The following TENM3 variants were observed in gnomAD, a reference collection of about 807,000 sequenced individuals.
TENM3 encodes teneurin-3.
A neutral mutation model predicts 255.1 loss-of-function variants in TENM3; 63 were observed. The ratio of observed to expected loss-of-function variants is 0.25; its 90% CI spans 0.20 to 0.30. The LOEUF (loss-of-function observed/expected upper bound fraction) is 0.30, where lower values mean the gene tolerates loss of function less well. Ranked by LOEUF, TENM3 falls within the 10% of genes least tolerant of loss-of-function variation. The probability of loss-of-function intolerance (pLI) is 1.00; values close to 1 mark genes in which losing one functional copy is unlikely to be tolerated. For synonymous variants in TENM3, 1,306 were observed against 1,322.3 expected (o/e 0.99, Z 0.27); for missense variants, 2,929 against 3,461.1 (o/e 0.85, Z 3.86).
At chr4:181,984,470 T>A in the TENM3 span, among the ~76,000 whole-genome samples, 1 of 152,092 alleles carries the variant, frequency 6.6e-6, no homozygotes, top group Non-Finnish European at 1.5e-5. Flanking sequence ...ACTTCCTTTT[T>A]TCCTCTCTAG....
chr4:182,729,224 C>T, intron 14 of TENM3, 43 bp downstream of exon 14: 1 of 1,489,406 alleles, frequency 6.7e-7, no homozygotes. Flanking sequence ...ATGATGTTAT[C>T]AACAGTTACA....
the TENM3 span, among the ~76,000 whole-genome samples, chr4:181,810,557 C>A: frequency 6.6e-6 from 1 of 152,124 alleles, no homozygotes; most frequent in African/African-American, 2.4e-5. Context: ...GTTATTCATA[C>A]AAGACCCTGC....
In TENM3 at chr4:182,588,351, C is replaced by T. The variant is rs749744084; in HGVS notation, c.512-12573C>T. On this transcript the variant is annotated intron_variant, in intron 3 of 27. Coordinates refer to ENST00000511685, the MANE Select transcript of TENM3 (RefSeq NM_001080477.4). Reference sequence around the variant, plus strand: ...CATAGCAAATTCTGCATTGTTTGAACTATGTGATTTGCTTTCCTTACTCTT... The same window carrying T: ...CATAGCAAATTCTGCATTGTTTGAATTATGTGATTTGCTTTCCTTACTCTT... 2.6e-4 allele frequency among the ~76,000 whole-genome samples: 40 copies of T among 152,122 alleles called. 1 individual carries two copies. Among genetic ancestry groups the T allele is most frequent in the Non-Finnish European group, 4.7e-4 (32 of 68,006 alleles).
chr4:182,250,077 G>A (rs1757907051), intron 1 of TENM3, among the ~76,000 whole-genome samples: 1 of 144,388 alleles, frequency 6.9e-6, no homozygotes. Context: ...TTTTGAGACG[G>A]AGTCTTGCTC....
intron 3 of TENM3, among the ~76,000 whole-genome samples, chr4:182,513,249 C>T (rs928130515): frequency 2.6e-5 from 4 of 151,894 alleles, no homozygotes; most frequent in African/African-American, 9.7e-5. Context: ...CATATTCGTA[C>T]GGTGAAAGTT....
intron 5 of TENM3, among the ~76,000 whole-genome samples, chr4:182,630,374 G>A (rs1359225841): frequency 6.6e-6 from 1 of 152,178 alleles, no homozygotes; most frequent in Non-Finnish European, 1.5e-5. Context: ...TTCTCTTCTA[G>A]TTAGCTGTGT....
chr4:181,943,393 G>A, the TENM3 span, among the ~76,000 whole-genome samples: 1 of 152,032 alleles, frequency 6.6e-6, no homozygotes, highest in Admixed American at 6.6e-5. Context: ...GGTTCATTCC[G>A]ATATTTCCAA....
At chr4:181,829,493 A>G in the TENM3 span, among the ~76,000 whole-genome samples, 1 of 152,126 alleles carries the variant, frequency 6.6e-6, no homozygotes, top group African/African-American at 2.4e-5. Context: ...TATGTGTAGA[A>G]ACTCAATGTA....
chr4:181,697,682 G>A, the TENM3 span, among the ~76,000 whole-genome samples: 3 of 151,990 alleles, frequency 2.0e-5, no homozygotes, highest in Non-Finnish European at 4.4e-5. Context: ...GTAAGCCACT[G>A]CGTCCAGCCC....
the TENM3 span, among the ~76,000 whole-genome samples, chr4:181,890,742 T>A: frequency 2.0e-5 from 3 of 152,150 alleles, no homozygotes; most frequent in Admixed American, 2.0e-4. Flanking sequence ...CCCAACCATT[T>A]GTATGGAAAA....
the TENM3 span, among the ~76,000 whole-genome samples, chr4:181,620,015 C>T: frequency 1.3e-5 from 2 of 152,136 alleles, no homozygotes; most frequent in South Asian, 2.1e-4. Flanking sequence ...TTCTCCCTCA[C>T]TTTGGGAGGC....
At chr4:181,971,692 T>C in the TENM3 span, among the ~76,000 whole-genome samples, 5 of 151,944 alleles carry the variant, frequency 3.3e-5, no homozygotes, top group Non-Finnish European at 7.4e-5. Flanking sequence ...TCAGCCTCTC[T>C]AGTACGTAGG....
At chr4:182,415,926 C>T (rs1770326687) in intron 3 of TENM3, among the ~76,000 whole-genome samples, 1 of 150,256 alleles carries the variant, frequency 6.7e-6, no homozygotes, top group Non-Finnish European at 1.5e-5. Flanking sequence ...ATATCATCAT[C>T]CTGAGACACC....
chr4:182,028,562 T>C, the TENM3 span, among the ~76,000 whole-genome samples: 1 of 152,268 alleles, frequency 6.6e-6, no homozygotes, highest in East Asian at 1.9e-4. Flanking sequence ...GTTTTTCTTC[T>C]TTTTTGATGT....
intron 7 of TENM3, among the ~76,000 whole-genome samples, chr4:182,674,608 C>G (rs1755506406): frequency 6.6e-6 from 1 of 152,170 alleles, no homozygotes; most frequent in Admixed American, 6.5e-5. Context: ...CAGGGTCTCA[C>G]TCCGTCTTCC....
At chr4:182,453,298 T>C (rs1773618451) in intron 3 of TENM3, among the ~76,000 whole-genome samples, 2 of 152,190 alleles carry the variant, frequency 1.3e-5, no homozygotes, top group African/African-American at 2.4e-5. Flanking sequence ...ACAGATGTTA[T>C]GTTGGTACGA....
rs1413973169 is a variant in TENM3 at position 182,714,331 on chromosome 4, A to C, written c.2368+98A>C. On this transcript the variant is annotated intron_variant, in intron 13 of 27. Transcript: ENST00000511685. ...ATCTGTTGCCAAAAAAAAAAAAAAAAAAAAAAAACCTGATCCCCATCGATT... is the reference window on the plus strand; with the variant it reads ...ATCTGTTGCCAAAAAAAAAAAAAAACAAAAAAAACCTGATCCCCATCGATT... The C allele has an allele frequency of 5.1e-6, 5 of 989,180 alleles. No individual in the cohort carries two copies. In the South Asian group the frequency reaches 8.2e-5, roughly 16 times the overall value. The allele number at this position is 989,180 out of a possible 1,614,324, so 61.3% of individuals were successfully genotyped here.
chr4:181,905,367 G>C, the TENM3 span, among the ~76,000 whole-genome samples: 2 of 152,122 alleles, frequency 1.3e-5, no homozygotes, highest in Admixed American at 1.3e-4. Context: ...ATATGTATTA[G>C]ATCATGACTC....
chr4:181,550,059 A>G, the TENM3 span, among the ~76,000 whole-genome samples: 1 of 152,222 alleles, frequency 6.6e-6, no homozygotes, highest in African/African-American at 2.4e-5. Flanking sequence ...GTGTTAGATA[A>G]CACTTCCAAT....
Sources: allele counts gnomAD v4.1 joint callset (sites outside exome capture counted in the v4.1 genomes callset), GRCh38; gene constraint gnomAD v4.1.1; transcripts MANE v1.5; gene names NCBI Gene and HGNC (gene_info 2026-07-23, HGNC 2026-07-21).